Variants in FHIP1A observed in about 807,000 individuals in gnomAD.
The protein encoded by FHIP1A is FHF complex subunit HOOK interacting protein 1A.
Under a neutral mutation model 88.6 loss-of-function variants are expected in FHIP1A, and 61 were observed. That is an observed-to-expected ratio of 0.69 (90% CI 0.56 to 0.85). The LOEUF is 0.85. Ranked by LOEUF, FHIP1A falls within the 40% of genes least tolerant of loss-of-function variation. The pLI, the probability that FHIP1A is intolerant of heterozygous loss-of-function variation, is 0.00. For synonymous variants in FHIP1A, 478 were observed against 496.0 expected, an observed-to-expected ratio of 0.96 and a Z score of 0.48; for missense variants, 1,154 against 1,273.5, an observed-to-expected ratio of 0.91 and a Z score of 1.43.
chr4:151,612,161 A>C (rs950930765), intron 7 of FHIP1A, among the ~76,000 whole-genome samples: 1 of 152,206 alleles, frequency 6.6e-6, no homozygotes, highest in Non-Finnish European at 1.5e-5. Context: ...TCCAGGCTTC[A>C]GTATCATCTC....
intron 3 of FHIP1A, among the ~76,000 whole-genome samples, chr4:151,508,137 C>T (rs1330499376): frequency 2.0e-5 from 3 of 152,162 alleles, no homozygotes; most frequent in African/African-American, 7.2e-5. Flanking sequence ...GTAGATAAAG[C>T]AGGAGTTACA....
chr4:151,533,443 A>AAAC (rs1731956613), intron 3 of FHIP1A, among the ~76,000 whole-genome samples: 9 of 142,512 alleles, frequency 6.3e-5, no homozygotes, highest in African/African-American at 2.3e-4. Flanking sequence ...AACAAACAAA[A>AAAC]AAAGGATATA....
intron 1 of FHIP1A, among the ~76,000 whole-genome samples, chr4:151,432,407 C>G (rs1733625177): frequency 1.3e-5 from 2 of 152,176 alleles, no homozygotes; most frequent in Non-Finnish European, 2.9e-5. Flanking sequence ...GTGCCAGGCA[C>G]TGTTCTAGGT....
chr4:151,656,426 C>G lies in FHIP1A; in HGVS notation c.2730+16C>G. On this transcript the variant is annotated intron_variant, in intron 12 of 13. Transcript: ENST00000435205. The surrounding 1 kb of genome is among the most constrained non-coding windows in gnomAD (Gnocchi z 4.2). ...TCTCTATCAGGTATGTTAGCTGAACCCACATCCACACCTGTTGATTTTGTG... is the reference window on the plus strand; with the variant it reads ...TCTCTATCAGGTATGTTAGCTGAACGCACATCCACACCTGTTGATTTTGTG... 1 of 1,550,174 alleles carries G rather than the reference C, an allele frequency of 6.5e-7. No homozygotes were observed. The highest frequency in any genetic ancestry group is 8.7e-7 in the Non-Finnish European group (1 of 1,145,868).
intron 1 of FHIP1A, among the ~76,000 whole-genome samples, chr4:151,425,595 C>T (rs914047770): frequency 1.3e-5 from 2 of 152,016 alleles, no homozygotes; most frequent in Non-Finnish European, 2.9e-5. Context: ...TTATATGATA[C>T]TGTATTAGTT....
chr4:151,618,273 C>A (rs189969297), intron 7 of FHIP1A, among the ~76,000 whole-genome samples: 2 of 152,178 alleles, frequency 1.3e-5, no homozygotes, highest in Non-Finnish European at 2.9e-5. Context: ...TTGAGATTAG[C>A]ACTTAGTTTT....
At chr4:151,417,148 G>A (rs1732926731) in intron 1 of FHIP1A, among the ~76,000 whole-genome samples, 1 of 152,188 alleles carries the variant, frequency 6.6e-6, no homozygotes. Flanking sequence ...AAGCAACAAA[G>A]GCAGAGATTT....
chr4:151,576,354 T>G lies in FHIP1A; in HGVS notation c.106-1096T>G, dbSNP rs537969810. Among the ~76,000 whole-genome samples, 3 of 152,290 alleles carry G rather than the reference T, an allele frequency of 2.0e-5. No homozygotes were observed. The South Asian group carries it at 6.2e-4, about 32-fold the overall frequency. On this transcript the variant is annotated intron_variant, in intron 4 of 13. Coordinates refer to ENST00000435205, the MANE Select transcript of FHIP1A (RefSeq NM_001109977.3). ...TGTTTGAGACAGGGTCTTTCTCTGT[T>G]GCCCAGGCTGGAGTGCAATGGCACC...
At chr4:151,429,505 G>A (rs1011625811) in intron 1 of FHIP1A, among the ~76,000 whole-genome samples, 10 of 152,154 alleles carry the variant, frequency 6.6e-5, no homozygotes, top group African/African-American at 2.2e-4. Flanking sequence ...CTAAAGAATT[G>A]TCTTTAGAAG....
intron 2 of FHIP1A, among the ~76,000 whole-genome samples, chr4:151,466,963 G>A (rs1729342127): frequency 1.3e-5 from 2 of 152,118 alleles, no homozygotes; most frequent in South Asian, 4.2e-4. Context: ...TGCAACAAAA[G>A]CCAAAATTGA....
At chr4:151,591,869 A>G (rs1285154698) in intron 7 of FHIP1A, among the ~76,000 whole-genome samples, 1 of 152,086 alleles carries the variant, frequency 6.6e-6, no homozygotes, top group Non-Finnish European at 1.5e-5. Flanking sequence ...TCTATCATTG[A>G]TGGGCATTTG....
At chr4:151,658,205 C>T (rs923489727) in intron 13 of FHIP1A, among the ~76,000 whole-genome samples, 2 of 152,204 alleles carry the variant, frequency 1.3e-5, no homozygotes, top group Non-Finnish European at 2.9e-5. Flanking sequence ...GAACAGGGCG[C>T]ATGCTGCTGC....
At chr4:151,658,710 C>T (rs1408174693) in intron 13 of FHIP1A, among the ~76,000 whole-genome samples, 1 of 152,198 alleles carries the variant, frequency 6.6e-6, no homozygotes, top group Non-Finnish European at 1.5e-5. Context: ...GGGCATTCTG[C>T]AGTCTCCTAG....
At chr4:151,598,865 T>C (rs955097238) in intron 7 of FHIP1A, among the ~76,000 whole-genome samples, 3 of 152,228 alleles carry the variant, frequency 2.0e-5, no homozygotes, top group Non-Finnish European at 4.4e-5. Flanking sequence ...CATTTGGTAT[T>C]GAACCCTACT....
rs1430490052 is a variant in FHIP1A at position 151,577,902 on chromosome 4, T to A, written c.558T>A (p.Thr186=). 6.4e-7 allele frequency: 1 copy of A among 1,551,820 alleles called. No individual in the cohort carries two copies. Among genetic ancestry groups the A allele is most frequent in the Middle Eastern group, 1.7e-4 (1 of 5,994 alleles). ...CCATTTTAGAACTCTTCTTCCACAC[T>A]AGTGAAGACCAAGGCGCTGCCAACT... ...DPSILELFFH[T]SEDQGAANFL... is the part of the protein sequence containing the mutation. Residue 186 remains threonine, a synonymous_variant, in exon 5 of 14, where the codon ACT becomes ACA. Transcript: ENST00000435205.
At chr4:151,468,798 C>CCG (rs1192276252) in intron 2 of FHIP1A, among the ~76,000 whole-genome samples, 1 of 150,014 alleles carries the variant, frequency 6.7e-6, no homozygotes, top group East Asian at 2.0e-4. Context: ...GACCTTTCAG[C>CCG]CGCCTGTCTA....
At chr4:151,560,014 G>A (rs1171423946) in intron 3 of FHIP1A, among the ~76,000 whole-genome samples, 1 of 152,092 alleles carries the variant, frequency 6.6e-6, no homozygotes, top group Non-Finnish European at 1.5e-5. Flanking sequence ...TTTAAAGTGG[G>A]TTTTAAACTT....
chr4:151,586,339 ACTC>A (rs1488634986), intron 5 of FHIP1A, among the ~76,000 whole-genome samples: 1 of 151,962 alleles, frequency 6.6e-6, no homozygotes, highest in Non-Finnish European at 1.5e-5. Flanking sequence ...CTTTGCGTGT[ACTC>A]CTCCTACACC....
intron 3 of FHIP1A, among the ~76,000 whole-genome samples, chr4:151,555,830 C>T (rs1024833276): frequency 3.3e-5 from 5 of 151,942 alleles, no homozygotes; most frequent in Admixed American, 6.6e-5. Context: ...ATCAAATCAA[C>T]GAGTAATTAT....
Sources: gnomAD v4.1 joint callset for allele counts (sites outside exome capture counted in the v4.1 genomes callset) on GRCh38, gnomAD v4.1.1 for gene constraint, Gnocchi (gnomAD v3.1) non-coding constraint, MANE v1.5 for transcripts, NCBI Gene and HGNC (gene_info 2026-07-23, HGNC 2026-07-21) for gene names.